The following SRRM4 variants were observed in gnomAD, a reference collection of about 807,000 sequenced individuals.
SRRM4 encodes the protein serine/arginine repetitive matrix protein 4.
Under a neutral mutation model 68.9 loss-of-function variants are expected in SRRM4, and 33 were observed. The observed-to-expected ratio is 0.48, with a 90% CI of 0.36 to 0.64. The LOEUF (loss-of-function observed/expected upper bound fraction) is 0.64, where lower values mean the gene tolerates loss of function less well. SRRM4 is among the 30% of genes least tolerant of loss of function. The pLI is 0.00. For synonymous variants in SRRM4, 318 were observed against 318.8 expected, an observed-to-expected ratio of 1.00 and a Z score of 0.03; for missense variants, 817 against 827.1, an observed-to-expected ratio of 0.99 and a Z score of 0.15.
chr12:119,013,601 A>G (rs908872739), intron 1 of SRRM4, among the ~76,000 whole-genome samples: 1 of 152,162 alleles, frequency 6.6e-6, no homozygotes, highest in Admixed American at 6.5e-5. Context: ...TTATGCTGGG[A>G]AACTTGCCTT....
chr12:119,004,177 G>C (rs1313335982), intron 1 of SRRM4, among the ~76,000 whole-genome samples: 1 of 151,966 alleles, frequency 6.6e-6, no homozygotes, highest in African/African-American at 2.4e-5. Context: ...TGTGTAAGCT[G>C]CAGGTCCCAC....
chr12:119,004,222 G>C (rs1174702424), intron 1 of SRRM4, among the ~76,000 whole-genome samples: 1 of 152,108 alleles, frequency 6.6e-6, no homozygotes, highest in East Asian at 2.0e-4. Context: ...AAGATTCTGA[G>C]ACCATAAGAT....
intron 1 of SRRM4, among the ~76,000 whole-genome samples, chr12:119,082,869 A>G (rs1239297707): frequency 6.6e-6 from 1 of 152,188 alleles, no homozygotes; most frequent in East Asian, 1.9e-4. Flanking sequence ...CCTTATATGG[A>G]GAAGGGTTTG....
chr12:119,138,716 C>T (rs764886005), intron 8 of SRRM4, among the ~76,000 whole-genome samples: 1 of 152,218 alleles, frequency 6.6e-6, no homozygotes, highest in Non-Finnish European at 1.5e-5. Context: ...TACAGAGGTT[C>T]CTTGCCCTCT....
chr12:119,081,997 A>G (rs1319467150), intron 1 of SRRM4, among the ~76,000 whole-genome samples: 1 of 152,260 alleles, frequency 6.6e-6, no homozygotes, highest in Non-Finnish European at 1.5e-5. Context: ...TAGCAAAGCC[A>G]TGACAGAGCT....
Position 119,120,225 on chromosome 12 carries a change from ATTT to A in SRRM4, c.438-19_438-17del, listed in dbSNP as rs1187978368. ...TTTTTTTTCTTTGATTCTTCTTTTC[ATTT>A]TTTTTCTTTCTTTCTTTTCAGGTCA... On this transcript the variant is annotated intron_variant, in intron 4 of 12. Coordinates refer to ENST00000267260, the MANE Select transcript of SRRM4 (RefSeq NM_194286.4). 111 of 1,391,042 alleles carry A rather than the reference ATTT, an allele frequency of 8.0e-5. 1 individual carries two copies. Among genetic ancestry groups the A allele is most frequent in the Admixed American group, 2.0e-4 (8 of 40,888 alleles). The allele number at this position is 1,391,042 out of a possible 1,614,324, so 86.2% of individuals were successfully genotyped here.
chr12:119,042,251 G>A (rs539545046), intron 1 of SRRM4, among the ~76,000 whole-genome samples: 1 of 151,930 alleles, frequency 6.6e-6, no homozygotes, highest in South Asian at 2.1e-4. Flanking sequence ...CAGTGAGGTG[G>A]GTGGGCTAAA....
chr12:119,137,221 C>T (rs1005379451), intron 8 of SRRM4, among the ~76,000 whole-genome samples: 52 of 152,032 alleles, frequency 3.4e-4, no homozygotes, highest in African/African-American at 1.1e-3. Flanking sequence ...AATGTATAGC[C>T]GCCTCTCTCT....
At chr12:119,037,037 G>A (rs1449449800) in intron 1 of SRRM4, 1 of 152,152 alleles carries the variant, frequency 6.6e-6, no homozygotes, top group African/African-American at 2.4e-5. Flanking sequence ...GATTGTGGTG[G>A]AAACGAGGCG....
chr12:119,156,520 T>G lies in SRRM4; in HGVS notation c.1558T>G (p.Tyr520Asp), dbSNP rs752852792. ...TGCCCGGAAACGCCCCATCCCCTAC[T>G]ATCGGCCCAGCCCCTCCTCATCCGG... ...TSARKRPIPYYRPSPSSSGSL... is the reference protein window; with the variant it reads ...TSARKRPIPYDRPSPSSSGSL... The change falls in exon 13 of 13, where the codon TAT (tyrosine) becomes GAT (aspartate). Residue 520 changes from tyrosine (Y) to aspartate (D), a missense_variant. Tyr to Asp is a radical substitution (Grantham distance 160, BLOSUM62 -3). Transcript: ENST00000267260. 1 of 1,609,472 alleles carries G rather than the reference T, an allele frequency of 6.2e-7. No homozygotes were observed. The highest frequency in any genetic ancestry group is 8.5e-7 in the Non-Finnish European group (1 of 1,178,344).
intron 1 of SRRM4, among the ~76,000 whole-genome samples, chr12:119,042,655 A>C (rs1953677267): frequency 6.6e-6 from 1 of 151,836 alleles, no homozygotes. Context: ...GGAAGAGAAA[A>C]GAAAGGAGAA....
Position 119,122,079 on chromosome 12 carries a change from C to T in SRRM4, c.474C>T (p.Ser158=). 1 of 1,609,322 alleles carries T rather than the reference C, an allele frequency of 6.2e-7. No homozygotes were observed. Among genetic ancestry groups the T allele is most frequent in the East Asian group, 2.2e-5 (1 of 44,846 alleles). Reference sequence around the variant, plus strand: ...ACCATTTCTTGTTTAGCTCCTCTAGCCCAAAAAGCAAAAGAAGAGATGAGA... The same window carrying T: ...ACCATTTCTTGTTTAGCTCCTCTAGTCCAAAAAGCAAAAGAAGAGATGAGA... ...FSKKRRHSSS[S]PKSKRRDEKR... The change falls in exon 6 of 13, where the codon AGC becomes AGT. Residue 158 remains serine (S), a synonymous_variant. Transcript: ENST00000267260.
In SRRM4 at chr12:119,072,819, A is replaced by G. The variant is rs184154929; in HGVS notation, c.132-29417A>G. ...GCACTTCACATGCATGAATTCTCAC[A>G]ATTGCCCTGTGAGTTGGCCATGATT... is the stretch of plus-strand genomic sequence containing the variant. On this transcript the variant is annotated intron_variant, in intron 1 of 12. Coordinates refer to ENST00000267260, the MANE Select transcript of SRRM4 (RefSeq NM_194286.4). 3.9e-5 allele frequency among the ~76,000 whole-genome samples: 6 copies of G among 152,298 alleles called. No homozygotes were observed. In the East Asian group the frequency reaches 1.2e-3, roughly 29 times the overall value.
intron 2 of SRRM4, among the ~76,000 whole-genome samples, chr12:119,111,614 C>A (rs1007541914): frequency 2.6e-5 from 4 of 152,160 alleles, no homozygotes; most frequent in African/African-American, 9.7e-5. Context: ...TTCCCAGTAG[C>A]TGTTGCACTG....
intron 1 of SRRM4, among the ~76,000 whole-genome samples, chr12:119,090,642 C>T (rs1954009090): frequency 1.3e-5 from 2 of 152,190 alleles, no homozygotes; most frequent in African/African-American, 4.8e-5. Flanking sequence ...GATCTAGGAT[C>T]TGACCAACAG....
intron 7 of SRRM4, among the ~76,000 whole-genome samples, chr12:119,130,090 T>C (rs1030297820): frequency 6.6e-6 from 1 of 151,782 alleles, no homozygotes; most frequent in Non-Finnish European, 1.5e-5. Flanking sequence ...GATGATTGGA[T>C]GGACGGATGA....
chr12:119,100,918 T>C (rs1954074550), intron 1 of SRRM4, among the ~76,000 whole-genome samples: 1 of 152,178 alleles, frequency 6.6e-6, no homozygotes, highest in African/African-American at 2.4e-5. Context: ...AAGCCCTAAT[T>C]AGAATCTCCA....
chr12:118,989,570 A>G (rs1009504789), intron 1 of SRRM4, among the ~76,000 whole-genome samples: 1 of 134,438 alleles, frequency 7.4e-6, no homozygotes, highest in African/African-American at 2.7e-5. Flanking sequence ...TCCATTTGAA[A>G]TTTTGCTGAG....
intron 1 of SRRM4, chr12:118,990,098 A>T (rs1388044313): frequency 6.6e-6 from 1 of 152,218 alleles, no homozygotes; most frequent in East Asian, 1.9e-4. Flanking sequence ...ATTCCAGAAG[A>T]GAGGTGTCTT....
Sources: allele counts gnomAD v4.1 joint callset (sites outside exome capture counted in the v4.1 genomes callset), GRCh38; gene constraint gnomAD v4.1.1; transcripts MANE v1.5; gene names NCBI Gene and HGNC (gene_info 2026-07-23, HGNC 2026-07-21).